Variants in SYT3 observed in about 807,000 individuals in gnomAD.
SYT3 encodes the protein synaptotagmin 3.
In SYT3, 25 loss-of-function variants were observed where a neutral mutation model predicts 50.6. That is an observed-to-expected ratio of 0.49 (90% CI 0.36 to 0.69). The LOEUF is 0.69. Among genes scored for constraint, SYT3 ranks in the 30% least tolerant of loss-of-function variants. The pLI, the probability that SYT3 is intolerant of heterozygous loss-of-function variation, is 0.00. For synonymous variants in SYT3, 323 were observed against 353.9 expected, an observed-to-expected ratio of 0.91 and a Z score of 0.98; for missense variants, 589 against 793.6, an observed-to-expected ratio of 0.74 and a Z score of 3.10.
At chr19:50,623,053 G>A (rs532610011) in intron 9 of SYT3, among the ~76,000 whole-genome samples, 16 of 145,750 alleles carry the variant, frequency 1.1e-4, no homozygotes, top group Admixed American at 5.6e-4. Flanking sequence ...GGGGAGCCAC[G>A]GGAGGGCTGT....
chr19:50,634,296 G>A (rs917024902), intron 3 of SYT3, among the ~76,000 whole-genome samples: 1 of 152,222 alleles, frequency 6.6e-6, no homozygotes, highest in Non-Finnish European at 1.5e-5. Flanking sequence ...AGGTAGCTAG[G>A]CCATTGCCGG....
chr19:50,625,733 CGA>C lies in SYT3; in HGVS notation c.1402+162_1402+163del, dbSNP rs1568760829. ...TCCAGACCCCAGGTCCTCCTCTCTC[CGA>C]CCCAGGAGTCCAGGCCCCTGGCCCC... On this transcript the variant is annotated intron_variant, in intron 7 of 10. Transcript: ENST00000600079. This position sits in a 1 kb window ranked among gnomAD's most constrained non-coding sequence, Gnocchi z 7.5. Among the ~76,000 whole-genome samples the C allele has an allele frequency of 6.9e-5, 10 of 145,348 alleles. No individual in the cohort carries two copies. The highest frequency in any genetic ancestry group is 1.1e-4 in the Non-Finnish European group (7 of 65,462).
chr19:50,627,444 G>T (rs1984115081), intron 6 of SYT3, among the ~76,000 whole-genome samples: 1 of 152,210 alleles, frequency 6.6e-6, no homozygotes, highest in Non-Finnish European at 1.5e-5. Flanking sequence ...ATGAAGGCTG[G>T]GTGCAGTGGC....
the SYT3 span, chr19:50,656,123 G>C: frequency 6.5e-7 from 1 of 1,536,112 alleles, no homozygotes; most frequent in Middle Eastern, 1.7e-4. Context: ...TCAAATCCTC[G>C]TGAGTTGTCC....
chr19:50,644,528 ATGGATGAGTGGATGAG>A (rs537445636), upstream of SYT3, among the ~76,000 whole-genome samples: 1 of 152,168 alleles, frequency 6.6e-6, no homozygotes, highest in East Asian at 1.9e-4. Context: ...AGATGAAGGG[ATGGATGAGTGGATGAG>A]TGGATGAGTG....
upstream of SYT3, among the ~76,000 whole-genome samples, chr19:50,644,066 C>T (rs1239941477): frequency 6.6e-6 from 1 of 152,224 alleles, no homozygotes; most frequent in Non-Finnish European, 1.5e-5. Flanking sequence ...AGCACACAAG[C>T]CCCGTAGGAG....
intron 10 of SYT3, 64 bp from the exon 11 acceptor site, chr19:50,622,545 A>T (rs1983888526): frequency 3.0e-6 from 2 of 673,168 alleles, no homozygotes; most frequent in Non-Finnish European, 5.4e-6. Context: ...GACCTCCTGT[A>T]GCTCCATCAC....
chr19:50,650,408 C>T, the SYT3 span, among the ~76,000 whole-genome samples: 42 of 152,346 alleles, frequency 2.8e-4, no homozygotes, highest in Non-Finnish European at 5.0e-4. Flanking sequence ...TGGTGGCTCA[C>T]GCCTATAATC....
chr19:50,645,867 CA>C, the SYT3 span, among the ~76,000 whole-genome samples: 8 of 151,758 alleles, frequency 5.3e-5, no homozygotes, highest in Non-Finnish European at 1.0e-4. Flanking sequence ...GCCCTTGTCT[CA>C]AAAAAACCCC....
chr19:50,629,429 C>A lies in SYT3; in HGVS notation c.1146G>T (p.Leu382=), dbSNP rs142868939. The A allele has an allele frequency of 1.2e-6, 2 of 1,613,958 alleles. No homozygotes were observed. Among genetic ancestry groups the A allele is most frequent in the Non-Finnish European group, 1.7e-6 (2 of 1,179,984 alleles). Residue 382 remains leucine (L), a synonymous_variant, in exon 6 of 11, where the codon CTG becomes CTT. Transcript: ENST00000600079. ...VPLAELAQRK[L]HFSVYDFDRF... is the part of the protein sequence containing the mutation. ...GGTCAAAGTCATAGACGCTGAAGTG[C>A]AGTTTGCGTTGGGCCAGCTCGGCCA...
chr19:50,656,776 A>G, the SYT3 span, among the ~76,000 whole-genome samples: 1 of 151,908 alleles, frequency 6.6e-6, no homozygotes, highest in African/African-American at 2.4e-5. Context: ...ACATGGTGAA[A>G]CCCCGTCTCT....
chr19:50,634,832 C>T (rs6509493), intron 3 of SYT3, among the ~76,000 whole-genome samples: 100,840 of 151,894 alleles, frequency 0.66, 34,618 homozygotes, highest in African/African-American at 0.78. Flanking sequence ...CCATCCACCT[C>T]GGCTTCCCAA....
chr19:50,624,116 C>A (rs1268358558), intron 9 of SYT3, among the ~76,000 whole-genome samples: 1 of 152,030 alleles, frequency 6.6e-6, no homozygotes, highest in Non-Finnish European at 1.5e-5. Flanking sequence ...GCACACACTA[C>A]CATGCCTAGC....
intron 6 of SYT3, among the ~76,000 whole-genome samples, chr19:50,628,630 A>C (rs1212002478): frequency 6.6e-6 from 1 of 152,092 alleles, no homozygotes; most frequent in Non-Finnish European, 1.5e-5. Flanking sequence ...TGGGGCTTCC[A>C]GAAGTCCAGT....
the SYT3 span, among the ~76,000 whole-genome samples, chr19:50,648,825 G>A: frequency 6.6e-6 from 1 of 152,140 alleles, no homozygotes. Context: ...TGAGCAGAGG[G>A]CAAGTGGGAA....
intron 9 of SYT3, among the ~76,000 whole-genome samples, chr19:50,623,959 T>G (rs1335486821): frequency 1.3e-5 from 2 of 151,706 alleles, no homozygotes; most frequent in Non-Finnish European, 2.9e-5. Context: ...CCTCATATAC[T>G]TGCTTTTTTT....
At position 50,632,444 on chromosome 19, in the gene SYT3, T is replaced by C; in HGVS notation, c.516A>G (p.Ala172=). 6.2e-7 allele frequency: 1 copy of C among 1,613,410 alleles called. No individual in the cohort carries two copies. Among genetic ancestry groups the C allele is most frequent in the South Asian group, 1.1e-5 (1 of 91,078 alleles). The part of the protein sequence containing the change: ...LDMDSYPEAA[A]AAVAAGVKPS... ...GTTTGACCCCAGCGGCCACTGCTGC[T>C]GCTGCAGCCTCTGGATACGAGTCCA... is the stretch of plus-strand genomic sequence containing the variant. The change falls in exon 4 of 11, where the codon GCA becomes GCG. Residue 172 remains alanine (A), a synonymous_variant. Transcript: ENST00000600079. This position sits in a 1 kb window ranked among gnomAD's most constrained non-coding sequence, Gnocchi z 4.7.
chr19:50,642,213 C>A (rs1263141997), upstream of SYT3, among the ~76,000 whole-genome samples: 1 of 152,228 alleles, frequency 6.6e-6, no homozygotes, highest in African/African-American at 2.4e-5. Flanking sequence ...ACAGCCCGAC[C>A]CTTGAACCCT....
At position 50,625,028 on chromosome 19, in the gene SYT3, G is replaced by T; in HGVS notation, c.1707+134C>A. On this transcript the variant is annotated intron_variant, in intron 9 of 10. Transcript: ENST00000600079. The surrounding 1 kb of genome is among the most constrained non-coding windows in gnomAD (Gnocchi z 7.5). ...ACTGGCTCTAAGCCGCACAGCTAAA[G>T]TTGGCACAGCAGGGATTGAAACCTA... 1 of 1,001,262 alleles carries T rather than the reference G, an allele frequency of 1.0e-6. No homozygotes were observed. Among genetic ancestry groups the T allele is most frequent in the Non-Finnish European group, 1.3e-6 (1 of 749,352 alleles). 62.0% of individuals were successfully genotyped at this position (1,001,262 alleles called of 1,614,324 possible).
Sources: allele counts gnomAD v4.1 joint callset (sites outside exome capture counted in the v4.1 genomes callset), GRCh38; gene constraint gnomAD v4.1.1; non-coding constraint Gnocchi (gnomAD v3.1); transcripts MANE v1.5; gene names NCBI Gene and HGNC (gene_info 2026-07-23, HGNC 2026-07-21).